The following CHST11 variants were observed in gnomAD, a reference collection of about 807,000 sequenced individuals.
The protein encoded by CHST11 is C4S-1.
In CHST11, 9 loss-of-function variants were observed where a neutral mutation model predicts 30.4. The observed-to-expected ratio is 0.30, with a 90% CI of 0.18 to 0.52. The LOEUF is 0.52. Ranked by LOEUF, CHST11 falls within the 20% of genes least tolerant of loss-of-function variation. The pLI is 0.97. For synonymous variants in CHST11, 152 were observed against 187.8 expected, an observed-to-expected ratio of 0.81 and a Z score of 1.56; for missense variants, 348 against 460.6, an observed-to-expected ratio of 0.76 and a Z score of 2.24.
chr12:104,615,649 G>A (rs983148945), intron 2 of CHST11, among the ~76,000 whole-genome samples: 5 of 152,148 alleles, frequency 3.3e-5, no homozygotes, highest in Admixed American at 6.6e-5. Flanking sequence ...AGAATTGGCC[G>A]GGCTCGGTGG....
intron 1 of CHST11, among the ~76,000 whole-genome samples, chr12:104,536,245 C>T (rs1215111991): frequency 6.6e-6 from 1 of 152,126 alleles, no homozygotes; most frequent in African/African-American, 2.4e-5. Flanking sequence ...CCTTTCAAGA[C>T]AAACTATGAC....
At chr12:104,722,670 G>C (rs2040187213) in intron 2 of CHST11, among the ~76,000 whole-genome samples, 1 of 152,050 alleles carries the variant, frequency 6.6e-6, no homozygotes, top group African/African-American at 2.4e-5. Context: ...CTCTCTTCCA[G>C]CCTTGCTGTC....
intron 2 of CHST11, among the ~76,000 whole-genome samples, chr12:104,706,166 CTG>C (rs1343913548): frequency 7.3e-5 from 11 of 151,468 alleles, no homozygotes; most frequent in African/African-American, 2.4e-4. Context: ...GGCAGATCAC[CTG>C]AGGTCAGGAG....
chr12:104,746,895 G>T (rs115861555), intron 2 of CHST11, among the ~76,000 whole-genome samples: 1,796 of 152,296 alleles, frequency 0.012, 40 homozygotes, highest in African/African-American at 0.041. Context: ...TGAGACCTGT[G>T]ACCTTCTAGA....
intron 1 of CHST11, among the ~76,000 whole-genome samples, chr12:104,503,153 A>G (rs533330626): frequency 6.6e-5 from 10 of 152,370 alleles, no homozygotes; most frequent in African/African-American, 2.4e-4. Context: ...CCATCCAGAC[A>G]TCGTCAGGGT....
chr12:104,596,761 T>C (rs1444443317), intron 1 of CHST11, among the ~76,000 whole-genome samples: 1 of 152,212 alleles, frequency 6.6e-6, no homozygotes, highest in Non-Finnish European at 1.5e-5. Context: ...ATCAGATACA[T>C]GGTACATTCT....
At chr12:104,697,719 AG>A (rs2039959126) in intron 2 of CHST11, among the ~76,000 whole-genome samples, 1 of 152,214 alleles carries the variant, frequency 6.6e-6, no homozygotes, top group Non-Finnish European at 1.5e-5. Flanking sequence ...ATTTAAAACA[AG>A]GAGCTTGCTC....
chr12:104,636,693 G>T (rs1456961715), intron 2 of CHST11, among the ~76,000 whole-genome samples: 1 of 152,070 alleles, frequency 6.6e-6, no homozygotes, highest in Non-Finnish European at 1.5e-5. Context: ...CTGTGCCTTG[G>T]TTTCTTTATC....
At chr12:104,748,598 G>A (rs2040406679) in intron 2 of CHST11, among the ~76,000 whole-genome samples, 2 of 149,870 alleles carry the variant, frequency 1.3e-5, no homozygotes, top group Non-Finnish European at 3.0e-5. Context: ...TGGAGTCGGG[G>A]GAGAGATGGC....
intron 2 of CHST11, among the ~76,000 whole-genome samples, chr12:104,616,619 C>A (rs1333831124): frequency 6.6e-6 from 1 of 152,136 alleles, no homozygotes; most frequent in Non-Finnish European, 1.5e-5. Context: ...GCGCACACCA[C>A]CACGCCTGGC....
intron 1 of CHST11, among the ~76,000 whole-genome samples, chr12:104,529,510 GATGT>G: frequency 6.6e-6 from 1 of 152,324 alleles, no homozygotes; most frequent in South Asian, 2.1e-4. Flanking sequence ...ACTTTAAAAA[GATGT>G]AAATTGATTT....
chr12:104,593,123 A>C (rs313321), intron 1 of CHST11, among the ~76,000 whole-genome samples: 131,465 of 152,188 alleles, frequency 0.86, 56,997 homozygotes, highest in East Asian at 1. Flanking sequence ...TGACCTTCAT[A>C]TGCCAAGTTT....
intron 2 of CHST11, among the ~76,000 whole-genome samples, chr12:104,740,691 G>A (rs1360359943): frequency 6.6e-6 from 1 of 152,202 alleles, no homozygotes; most frequent in Non-Finnish European, 1.5e-5. Context: ...ACAGGCAGAA[G>A]AATATTAATA....
At chr12:104,582,382 A>C (rs1286360546) in intron 1 of CHST11, among the ~76,000 whole-genome samples, 4 of 152,128 alleles carry the variant, frequency 2.6e-5, no homozygotes, top group African/African-American at 9.7e-5. Context: ...TGGGGTAGTC[A>C]TGTGTGTGTG....
At chr12:104,693,666 G>A (rs1457784212) in intron 2 of CHST11, among the ~76,000 whole-genome samples, 1 of 152,192 alleles carries the variant, frequency 6.6e-6, no homozygotes, top group African/African-American at 2.4e-5. Context: ...GGAGCACAGA[G>A]AAGGGCCCCT....
intron 2 of CHST11, among the ~76,000 whole-genome samples, chr12:104,604,571 G>C (rs1457440162): frequency 6.6e-6 from 1 of 152,148 alleles, no homozygotes; most frequent in Non-Finnish European, 1.5e-5. Flanking sequence ...ACTGAGTTTA[G>C]TTGGTTTTGT....
intron 1 of CHST11, among the ~76,000 whole-genome samples, chr12:104,476,278 G>A (rs989638603): frequency 3.3e-5 from 5 of 149,536 alleles, no homozygotes; most frequent in African/African-American, 1.2e-4. Context: ...ATGTACACAT[G>A]TAGTATATAC....
intron 2 of CHST11, among the ~76,000 whole-genome samples, chr12:104,678,258 T>A (rs1423332994): frequency 6.6e-6 from 1 of 152,182 alleles, no homozygotes; most frequent in Non-Finnish European, 1.5e-5. Context: ...CCTAGAAAGG[T>A]ATATCCTTCC....
At chr12:104,680,525 G>T (rs1193191832) in intron 2 of CHST11, among the ~76,000 whole-genome samples, 1 of 152,232 alleles carries the variant, frequency 6.6e-6, no homozygotes, top group East Asian at 1.9e-4. Flanking sequence ...AAGCACCATT[G>T]CTTTTGCCTA....
Sources: gnomAD v4.1 joint callset for allele counts (sites outside exome capture counted in the v4.1 genomes callset) on GRCh38, gnomAD v4.1.1 for gene constraint, MANE v1.5 for transcripts, NCBI Gene and HGNC (gene_info 2026-07-23, HGNC 2026-07-21) for gene names.